ANKS1B: variants seen among roughly 807,000 people sequenced by gnomAD.
ANKS1B encodes ankyrin repeat and sterile alpha motif domain containing 1B, also known as ankyrin repeat and sterile alpha motif domain-containing protein 1B.
ANKS1B carries 36 observed loss-of-function variants against 148.3 expected under a neutral mutation model. The observed-to-expected ratio is 0.24, with a 90% CI of 0.19 to 0.32. The LOEUF is 0.32. Among genes scored for constraint, ANKS1B ranks in the 10% least tolerant of loss-of-function variants. The probability of loss-of-function intolerance (pLI) is 1.00; values close to 1 mark genes in which losing one functional copy is unlikely to be tolerated. For synonymous variants in ANKS1B, 542 were observed against 560.8 expected (o/e 0.97, Z 0.47); for missense variants, 1,157 against 1,542.6 (o/e 0.75, Z 4.19).
At chr12:98,811,014 G>T (rs2099091020) in intron 19 of ANKS1B, among the ~76,000 whole-genome samples, 1 of 152,192 alleles carries the variant, frequency 6.6e-6, no homozygotes, top group South Asian at 2.1e-4. Context: ...TTTAGTTGGG[G>T]AGGAAGAAAC....
intron 17 of ANKS1B, among the ~76,000 whole-genome samples, chr12:99,019,980 T>C (rs2099944807): frequency 6.6e-6 from 1 of 152,150 alleles, no homozygotes; most frequent in African/African-American, 2.4e-5. Context: ...AATAATCAAA[T>C]TGAAACTATT....
chr12:98,866,245 G>A (rs377613772), intron 17 of ANKS1B, among the ~76,000 whole-genome samples: 22 of 152,146 alleles, frequency 1.4e-4, no homozygotes, highest in African/African-American at 5.3e-4. Flanking sequence ...GCACTTCTGC[G>A]AATCTTCAGT....
chr12:99,700,714 G>A (rs549981630), intron 8 of ANKS1B, among the ~76,000 whole-genome samples: 4 of 152,214 alleles, frequency 2.6e-5, no homozygotes, highest in African/African-American at 9.6e-5. Context: ...CTGAAACCAC[G>A]AAAGTGAAAC....
At chr12:99,692,532 A>G (rs1439973725) in intron 8 of ANKS1B, among the ~76,000 whole-genome samples, 2 of 151,914 alleles carry the variant, frequency 1.3e-5, no homozygotes, top group African/African-American at 4.8e-5. Context: ...TTAGCTGGGC[A>G]TGGTGGTGCA....
intron 9 of ANKS1B, among the ~76,000 whole-genome samples, chr12:99,598,442 G>A (rs767510543): frequency 3.9e-5 from 6 of 151,972 alleles, no homozygotes; most frequent in Admixed American, 2.0e-4. Flanking sequence ...GATAGATACC[G>A]TTACTATCCT....
At chr12:99,878,450 A>G (rs1301612328) in intron 1 of ANKS1B, among the ~76,000 whole-genome samples, 1 of 152,214 alleles carries the variant, frequency 6.6e-6, no homozygotes, top group Non-Finnish European at 1.5e-5. Flanking sequence ...CGTCTTTTCA[A>G]AAATCTTTTG....
chr12:99,893,598 AAAC>A (rs765906244), intron 1 of ANKS1B, among the ~76,000 whole-genome samples: 63 of 152,178 alleles, frequency 4.1e-4, no homozygotes, highest in Non-Finnish European at 8.2e-4. Context: ...CAAAAAAGAA[AAAC>A]AATATAAATG....
chr12:99,585,516 T>C (rs936248394), intron 9 of ANKS1B, among the ~76,000 whole-genome samples: 1 of 152,150 alleles, frequency 6.6e-6, no homozygotes, highest in Non-Finnish European at 1.5e-5. Context: ...GGTGGCCCTC[T>C]TCTTACAGCT....
chr12:98,781,245 C>T (rs772521153), intron 23 of ANKS1B, 42 bp from the exon 24 acceptor site: 30 of 1,298,952 alleles, frequency 2.3e-5, no homozygotes, highest in South Asian at 1.6e-4. Flanking sequence ...GTTTGTGTTG[C>T]GTGGCAACTG....
chr12:99,116,056 T>G (rs2061344119), intron 15 of ANKS1B, among the ~76,000 whole-genome samples: 2 of 151,962 alleles, frequency 1.3e-5, no homozygotes, highest in Admixed American at 1.3e-4. Flanking sequence ...TTCAATTTCC[T>G]CATCATTAAA....
At chr12:99,534,453 T>C (rs559222543) in intron 9 of ANKS1B, among the ~76,000 whole-genome samples, 2 of 152,328 alleles carry the variant, frequency 1.3e-5, no homozygotes, top group East Asian at 1.9e-4. Flanking sequence ...TGAATCCATA[T>C]GCTGAGAGAA....
intron 19 of ANKS1B, among the ~76,000 whole-genome samples, chr12:98,827,350 G>A (rs1644214083): frequency 6.6e-6 from 1 of 152,196 alleles, no homozygotes; most frequent in Admixed American, 6.5e-5. Flanking sequence ...ATCATCGTTA[G>A]TACTCCACAT....
chr12:99,892,232 TG>T (rs1316279218), intron 1 of ANKS1B, among the ~76,000 whole-genome samples: 1 of 152,096 alleles, frequency 6.6e-6, no homozygotes, highest in Non-Finnish European at 1.5e-5. Flanking sequence ...CTTGATCTCC[TG>T]ACCTCGTGAT....
At chr12:99,186,352 GAGC>G (rs1373051557) in intron 14 of ANKS1B, among the ~76,000 whole-genome samples, 4 of 152,208 alleles carry the variant, frequency 2.6e-5, no homozygotes, top group Non-Finnish European at 4.4e-5. Context: ...GCGCTGAAGA[GAGC>G]AGCAGATCTC....
At chr12:99,421,785 C>G (rs1308913734) in intron 11 of ANKS1B, among the ~76,000 whole-genome samples, 1 of 152,136 alleles carries the variant, frequency 6.6e-6, no homozygotes, top group African/African-American at 2.4e-5. Flanking sequence ...TCACACTGAA[C>G]TGTAATCCTC....
intron 17 of ANKS1B, among the ~76,000 whole-genome samples, chr12:98,951,272 G>A (rs563457431): frequency 1.3e-3 from 198 of 152,260 alleles, no homozygotes; most frequent in African/African-American, 4.3e-3. Flanking sequence ...GAGACATAGC[G>A]TGAAACTTTG....
At chr12:99,632,257 G>A (rs967607896) in intron 9 of ANKS1B, among the ~76,000 whole-genome samples, 13 of 152,112 alleles carry the variant, frequency 8.5e-5, no homozygotes, top group African/African-American at 3.1e-4. Flanking sequence ...GAAAACAAGA[G>A]CTGTGGAGGC....
At chr12:99,963,078 G>T (rs2095438031) in intron 1 of ANKS1B, among the ~76,000 whole-genome samples, 1 of 152,198 alleles carries the variant, frequency 6.6e-6, no homozygotes, top group Non-Finnish European at 1.5e-5. Flanking sequence ...CTCCCAAAGT[G>T]CTGGGATTAC....
intron 1 of ANKS1B, among the ~76,000 whole-genome samples, chr12:99,861,769 C>T (rs2090049125): frequency 6.6e-6 from 1 of 152,008 alleles, no homozygotes; most frequent in Non-Finnish European, 1.5e-5. Context: ...TCATATACTT[C>T]TTTTATGTAA....
Sources: allele counts gnomAD v4.1 joint callset (sites outside exome capture counted in the v4.1 genomes callset), GRCh38; gene constraint gnomAD v4.1.1; transcripts MANE v1.5; gene names NCBI Gene and HGNC (gene_info 2026-07-23, HGNC 2026-07-21).